NSUN6: variants seen among roughly 807,000 people sequenced by gnomAD.
NSUN6 encodes tRNA (cytosine(72)-C(5))-methyltransferase NSUN6.
NSUN6 carries 64 observed loss-of-function variants against 58.0 expected under a neutral mutation model. The ratio of observed to expected loss-of-function variants is 1.10; its 90% CI spans 0.90 to 1.36. The LOEUF is 1.36. Ranked by LOEUF, NSUN6 falls within the 40% of genes most tolerant of loss-of-function variation. The probability of loss-of-function intolerance (pLI) is 0.00; values close to 1 mark genes in which losing one functional copy is unlikely to be tolerated. For synonymous variants in NSUN6, 231 were observed against 193.9 expected (o/e 1.19, Z -1.59); for missense variants, 701 against 550.1 (o/e 1.27, Z -2.74).
chr10:18,651,021 A>G (rs2059688430), intron 1 of NSUN6, 108 bp downstream of exon 1: 1 of 1,327,996 alleles, frequency 7.5e-7, no homozygotes, highest in Non-Finnish European at 1.0e-6. Flanking sequence ...ACAAGTAGTA[A>G]GGAACGACGG....
chr10:18,547,502 T>G lies in NSUN6; in HGVS notation c.1197+610A>C, dbSNP rs74893272. Among the ~76,000 whole-genome samples, 863 of 152,340 alleles carry G rather than the reference T, an allele frequency of 5.7e-3. 6 individuals are homozygous for G. The highest frequency in any genetic ancestry group is 0.02 in the African/African-American group (827 of 41,572). On this transcript the variant is annotated intron_variant, in intron 10 of 10. Coordinates refer to ENST00000377304, the MANE Select transcript of NSUN6 (RefSeq NM_182543.5). Reference sequence around the variant, plus strand: ...GTTAGATGCTCAATGTATCTGAATGTATGCGAGCATTATTACAGATTTAAA... The same window carrying G: ...GTTAGATGCTCAATGTATCTGAATGGATGCGAGCATTATTACAGATTTAAA...
At chr10:18,557,565 G>C (rs150386464) in intron 8 of NSUN6, among the ~76,000 whole-genome samples, 1 of 150,954 alleles carries the variant, frequency 6.6e-6, no homozygotes, top group Non-Finnish European at 1.5e-5. Context: ...AGAATGGAAT[G>C]GACAGTGGAA....
intron 7 of NSUN6, among the ~76,000 whole-genome samples, chr10:18,587,633 C>T (rs941136026): frequency 2.6e-5 from 4 of 152,038 alleles, no homozygotes; most frequent in Non-Finnish European, 2.9e-5. Flanking sequence ...GTGCAACGCA[C>T]GGACAGCCAG....
intron 3 of NSUN6, among the ~76,000 whole-genome samples, chr10:18,622,092 G>C (rs2058629019): frequency 6.6e-6 from 1 of 151,770 alleles, no homozygotes; most frequent in African/African-American, 2.4e-5. Context: ...AAATCTTAAA[G>C]TGCTTGTTAT....
rs1010039763 is a variant in NSUN6 at position 18,551,286 on chromosome 10, G to GTA, written c.1071+536_1071+537insTA. Among the ~76,000 whole-genome samples the GTA allele has an allele frequency of 1.6e-4, 24 of 146,164 alleles. 1 individual carries two copies. Among genetic ancestry groups the GTA allele is most frequent in the Admixed American group, 1.6e-3 (24 of 14,748 alleles). On this transcript the variant is annotated intron_variant, in intron 9 of 10. Coordinates refer to ENST00000377304, the MANE Select transcript of NSUN6 (RefSeq NM_182543.5). ...TGTGTGTGTGTGTGTGTGTGTGTGT[G>GTA]TGTGTGGTAAAATATAAATAACATA... is the stretch of plus-strand genomic sequence containing the variant.
rs149459861 is a variant in NSUN6, at chr10:18,609,325, A to T, written c.657+520T>A. 2.5e-3 allele frequency among the ~76,000 whole-genome samples: 378 copies of T among 151,942 alleles called. 1 individual carries two copies. The highest frequency in any genetic ancestry group is 3.4e-3 in the African/African-American group (142 of 41,396). On this transcript the variant is annotated intron_variant, in intron 6 of 10. Transcript: ENST00000377304. ...GAGCCTGTCTCAAAATAATAATAAT[A>T]ATTATTATTATTACTGGACAGAGAA...
intron 7 of NSUN6, among the ~76,000 whole-genome samples, chr10:18,593,201 C>A (rs574806784): frequency 6.6e-6 from 1 of 152,296 alleles, no homozygotes; most frequent in East Asian, 1.9e-4. Context: ...AGTCAGGAAA[C>A]AACAGATGCT....
Position 18,651,023 on chromosome 10 carries a change from G to A in NSUN6, c.75+106C>T, listed in dbSNP as rs1172255741. On this transcript the variant is annotated intron_variant, in intron 1 of 10. Transcript: ENST00000377304. ...TTACACTTGATAGACAAGTAGTAAG[G>A]AACGACGGCTGTCAAGATTTCCCTT... The A allele has an allele frequency of 1.2e-5, 16 of 1,354,860 alleles. No individual in the cohort carries two copies. In the South Asian group the frequency reaches 1.9e-4, roughly 16 times the overall value. 83.9% of individuals were successfully genotyped at this position (1,354,860 alleles called of 1,614,324 possible). A position where few individuals can be genotyped will look rare whatever the true frequency, so the allele number is the denominator to read the frequency against.
chr10:18,580,861 A>T (rs1441528641), intron 8 of NSUN6, among the ~76,000 whole-genome samples: 1 of 152,234 alleles, frequency 6.6e-6, no homozygotes, highest in Non-Finnish European at 1.5e-5. Context: ...CCCCCTCAGG[A>T]GAAAGAGTTC....
chr10:18,600,073 C>G (rs1214774328), intron 6 of NSUN6, among the ~76,000 whole-genome samples: 1 of 151,876 alleles, frequency 6.6e-6, no homozygotes, highest in Non-Finnish European at 1.5e-5. Context: ...AAAAATTATC[C>G]CTTATCACTA....
chr10:18,611,107 G>A (rs1328893600), intron 5 of NSUN6, among the ~76,000 whole-genome samples: 5 of 151,916 alleles, frequency 3.3e-5, no homozygotes, highest in African/African-American at 1.2e-4. Context: ...GAAATGGAGG[G>A]ATCCCTTGAA....
At chr10:18,615,106 C>CATATATATATATATATAT (rs5783616) in intron 4 of NSUN6, among the ~76,000 whole-genome samples, 11 of 147,064 alleles carry the variant, frequency 7.5e-5, no homozygotes, top group African/African-American at 2.8e-4. Context: ...TATAGTCATT[C>CATATATATATATATATAT]ATATATATAT....
At chr10:18,631,758 T>A (rs933617374) in intron 3 of NSUN6, among the ~76,000 whole-genome samples, 1 of 150,432 alleles carries the variant, frequency 6.6e-6, no homozygotes, top group African/African-American at 2.4e-5. Context: ...TAAAAGAGGA[T>A]ACAAACAAAT....
At chr10:18,631,825 C>T (rs1457643604) in intron 3 of NSUN6, among the ~76,000 whole-genome samples, 2 of 152,146 alleles carry the variant, frequency 1.3e-5, no homozygotes, top group Non-Finnish European at 2.9e-5. Context: ...AATGGCCATA[C>T]TGCCCAAGGT....
At chr10:18,565,151 T>C (rs1245268420) in intron 8 of NSUN6, among the ~76,000 whole-genome samples, 1 of 151,482 alleles carries the variant, frequency 6.6e-6, no homozygotes, top group African/African-American at 2.4e-5. Context: ...TTGCATACCA[T>C]TCTCCATTTC....
At chr10:18,575,075 T>C (rs914893968) in intron 8 of NSUN6, among the ~76,000 whole-genome samples, 4 of 152,036 alleles carry the variant, frequency 2.6e-5, no homozygotes, top group Non-Finnish European at 5.9e-5. Context: ...AGAATGAAAA[T>C]GGATATTGCC....
At chr10:18,576,690 T>C (rs2056665233) in intron 8 of NSUN6, among the ~76,000 whole-genome samples, 1 of 152,164 alleles carries the variant, frequency 6.6e-6, no homozygotes, top group Non-Finnish European at 1.5e-5. Flanking sequence ...AAACTTAGCA[T>C]TCCTTGGAGA....
intron 8 of NSUN6, among the ~76,000 whole-genome samples, chr10:18,562,552 A>G (rs921572713): frequency 1.3e-5 from 2 of 149,868 alleles, no homozygotes; most frequent in African/African-American, 5.0e-5. Context: ...AATAGAATGG[A>G]ATGGAGAATG....
At chr10:18,548,279 G>C (rs1031701089) in intron 9 of NSUN6, 42 bp from the exon 10 acceptor site, 1 of 1,543,164 alleles carries the variant, frequency 6.5e-7, no homozygotes, top group Non-Finnish European at 8.8e-7. Flanking sequence ...CACAAGACCA[G>C]ATAAACATAT....
Sources: allele counts gnomAD v4.1 joint callset (sites outside exome capture counted in the v4.1 genomes callset), GRCh38; gene constraint gnomAD v4.1.1; transcripts MANE v1.5; gene names NCBI Gene and HGNC (gene_info 2026-07-23, HGNC 2026-07-21).